The following LRP1B variants were observed in gnomAD, a reference collection of about 807,000 sequenced individuals.
LRP1B encodes the protein LDL receptor related protein 1B.
A neutral mutation model predicts 556.6 loss-of-function variants in LRP1B; 217 were observed. The observed-to-expected ratio is 0.39, with a 90% CI of 0.35 to 0.44. The LOEUF is 0.44. Ranked by LOEUF, LRP1B falls within the 20% of genes least tolerant of loss-of-function variation. The pLI is 1.00. For missense variants in LRP1B, 5,053 were observed against 5,620.8 expected, an observed-to-expected ratio of 0.90 and a Z score of 3.23; for synonymous variants, 2,047 against 1,865.8, an observed-to-expected ratio of 1.10 and a Z score of -2.50.
intron 30 of LRP1B, among the ~76,000 whole-genome samples, 161 bp from the exon 31 acceptor site, chr2:140,840,246 A>G (rs1353316241): frequency 6.6e-6 from 1 of 152,212 alleles, no homozygotes; most frequent in Non-Finnish European, 1.5e-5. Flanking sequence ...GCCAGCAATA[A>G]CCTACATATT....
Position 141,612,789 on chromosome 2 carries a change from A to T in LRP1B, c.206-132256T>A, listed in dbSNP as rs1688152317. Among the ~76,000 whole-genome samples, 3 of 152,122 alleles carry T rather than the reference A, an allele frequency of 2.0e-5. 1 individual carries two copies. Among genetic ancestry groups the T allele is most frequent in the Admixed American group, 2.0e-4 (3 of 15,272 alleles). ...CAAGGCAATAGTGAGAAGGTTATAAAGTATCTTCACCTTGTATTAAGTATA... is the reference window on the plus strand; with the variant it reads ...CAAGGCAATAGTGAGAAGGTTATAATGTATCTTCACCTTGTATTAAGTATA... On this transcript the variant is annotated intron_variant, in intron 2 of 90. Coordinates refer to ENST00000389484, the MANE Select transcript of LRP1B (RefSeq NM_018557.3).
intron 6 of LRP1B, among the ~76,000 whole-genome samples, chr2:141,201,859 T>C (rs1156925397): frequency 1.3e-5 from 2 of 152,186 alleles, no homozygotes; most frequent in Admixed American, 6.5e-5. Flanking sequence ...ATCAGTTTCA[T>C]TCAGTCTGTT....
At chr2:140,683,353 A>G (rs921139753) in intron 41 of LRP1B, 8 of 481,376 alleles carry the variant, frequency 1.7e-5, no homozygotes, top group African/African-American at 1.6e-4. Context: ...AGAAAACTCC[A>G]CACACAATCT....
intron 7 of LRP1B, among the ~76,000 whole-genome samples, chr2:141,122,385 TAACTC>T (rs1166248796): frequency 2.3e-5 from 3 of 130,526 alleles, no homozygotes; most frequent in Non-Finnish European, 3.2e-5. Flanking sequence ...AATCTACAAA[TAACTC>T]AAACAAACTT....
chr2:140,895,163 T>G (rs1212874120), intron 23 of LRP1B, among the ~76,000 whole-genome samples: 1 of 152,032 alleles, frequency 6.6e-6, no homozygotes, highest in African/African-American at 2.4e-5. Flanking sequence ...CTAGAAATGA[T>G]TTTAATTAAA....
At chr2:140,855,941 A>T (rs1692604694) in intron 27 of LRP1B, among the ~76,000 whole-genome samples, 1 of 152,170 alleles carries the variant, frequency 6.6e-6, no homozygotes, top group African/African-American at 2.4e-5. Context: ...TCCTTTCTCA[A>T]GTATTGTACA....
chr2:140,740,614 T>C (rs1412054568), intron 35 of LRP1B, among the ~76,000 whole-genome samples: 2 of 152,004 alleles, frequency 1.3e-5, no homozygotes, highest in Non-Finnish European at 2.9e-5. Context: ...CTAAAGAACT[T>C]ACTCATGTAA....
chr2:141,050,974 G>A (rs1558826294), intron 10 of LRP1B, among the ~76,000 whole-genome samples: 2 of 152,032 alleles, frequency 1.3e-5, no homozygotes, highest in African/African-American at 2.4e-5. Flanking sequence ...CAAAGGATAT[G>A]AACAGACACT....
At chr2:141,831,927 T>C (rs957819563) in intron 1 of LRP1B, among the ~76,000 whole-genome samples, 4 of 151,680 alleles carry the variant, frequency 2.6e-5, no homozygotes, top group Non-Finnish European at 5.9e-5. Flanking sequence ...CAAGGAATCC[T>C]AACTTTTCTC....
intron 29 of LRP1B, 79 bp from the exon 30 acceptor site, chr2:140,841,171 C>G (rs989129117): frequency 1.1e-6 from 1 of 895,406 alleles, no homozygotes; most frequent in East Asian, 2.7e-5. Context: ...TATTTTCTAT[C>G]TAAGGGAAAA....
At chr2:141,287,324 T>G (rs1053184769) in intron 3 of LRP1B, among the ~76,000 whole-genome samples, 4 of 146,620 alleles carry the variant, frequency 2.7e-5, no homozygotes, top group African/African-American at 1.0e-4. Context: ...TTTCTTTATT[T>G]TTCTTTTTTT....
At chr2:141,016,403 T>C (rs565044642) in intron 12 of LRP1B, among the ~76,000 whole-genome samples, 164 of 152,224 alleles carry the variant, frequency 1.1e-3, no homozygotes, top group Non-Finnish European at 2.0e-3. Flanking sequence ...TTAAGACAGG[T>C]AATTGGACTG....
chr2:141,698,910 C>A (rs564734579), intron 2 of LRP1B, among the ~76,000 whole-genome samples: 1 of 151,808 alleles, frequency 6.6e-6, no homozygotes, highest in South Asian at 2.1e-4. Context: ...TCAGCCAGGA[C>A]CCAGAGTTAT....
At chr2:140,429,433 T>C (rs1355546311) in intron 66 of LRP1B, among the ~76,000 whole-genome samples, 2 of 152,136 alleles carry the variant, frequency 1.3e-5, no homozygotes, top group African/African-American at 2.4e-5. Flanking sequence ...TCCCAGCCTC[T>C]CTTCGCTTTC....
chr2:140,864,305 T>C (rs940808850), intron 27 of LRP1B, among the ~76,000 whole-genome samples: 2 of 151,992 alleles, frequency 1.3e-5, no homozygotes, highest in Non-Finnish European at 2.9e-5. Context: ...AGTTAGGAAA[T>C]GATTAATGAA....
rs542771789 is a variant in LRP1B at position 141,649,599 on chromosome 2, A to G, written c.205+160680T>C. 1.1e-4 allele frequency among the ~76,000 whole-genome samples: 16 copies of G among 152,300 alleles called. No homozygotes were observed. In the South Asian group the frequency reaches 3.3e-3, roughly 32 times the overall value. ...ATTGTGTGTATAAGACTATTTCTCC[A>G]TTCTACTTCCATAGCTAGCTCAGTG... is the stretch of plus-strand genomic sequence containing the variant. On this transcript the variant is annotated intron_variant, in intron 2 of 90. Transcript: ENST00000389484.
intron 3 of LRP1B, among the ~76,000 whole-genome samples, chr2:141,406,120 G>T (rs1274733574): frequency 1.3e-5 from 2 of 152,044 alleles, no homozygotes; most frequent in African/African-American, 4.8e-5. Flanking sequence ...CAATAAGGGA[G>T]ATATTATTTT....
intron 41 of LRP1B, among the ~76,000 whole-genome samples, chr2:140,645,533 C>CTTTTTTTTTTT (rs36082249): frequency 2.5e-5 from 2 of 81,230 alleles, no homozygotes; most frequent in African/African-American, 5.6e-5. Context: ...TGCCAATATT[C>CTTTTTTTTTTT]TTTTTTTTTT....
At chr2:140,555,915 G>A (rs997374603) in intron 43 of LRP1B, among the ~76,000 whole-genome samples, 4 of 152,026 alleles carry the variant, frequency 2.6e-5, no homozygotes, top group Non-Finnish European at 4.4e-5. Flanking sequence ...AAATAAAAAA[G>A]CAGAGTTTTA....
Sources: allele counts gnomAD v4.1 joint callset (sites outside exome capture counted in the v4.1 genomes callset), GRCh38; gene constraint gnomAD v4.1.1; transcripts MANE v1.5; gene names NCBI Gene and HGNC (gene_info 2026-07-23, HGNC 2026-07-21).